Variants in NTRK3 observed in about 807,000 individuals in gnomAD.
NTRK3 encodes the protein neurotrophic receptor tyrosine kinase 3.
A neutral mutation model predicts 91.7 loss-of-function variants in NTRK3; 24 were observed. That is an observed-to-expected ratio of 0.26 (90% confidence interval 0.19 to 0.37). NTRK3 has a LOEUF of 0.37. Among genes scored for constraint, NTRK3 ranks in the 10% least tolerant of loss-of-function variants. NTRK3 has a pLI of 1.00. For synonymous variants in NTRK3, 483 were observed against 404.0 expected (o/e 1.20, Z -2.34); for missense variants, 880 against 1,068.9 (o/e 0.82, Z 2.46).
chr15:88,035,600 G>A (rs182035449), intron 13 of NTRK3, among the ~76,000 whole-genome samples: 27 of 152,224 alleles, frequency 1.8e-4, no homozygotes, highest in African/African-American at 5.5e-4. Context: ...CCCTACCCAC[G>A]CACACAAGGC....
chr15:88,099,675 T>G (rs2049977501), intron 13 of NTRK3, among the ~76,000 whole-genome samples: 1 of 152,192 alleles, frequency 6.6e-6, no homozygotes, highest in South Asian at 2.1e-4. Context: ...GAGAAGTCAC[T>G]TGATCTCTCT....
At chr15:87,951,715 G>C (rs1393453606) in intron 14 of NTRK3, among the ~76,000 whole-genome samples, 2 of 152,210 alleles carry the variant, frequency 1.3e-5, no homozygotes, top group Admixed American at 6.5e-5. Context: ...AGAAGGCTCA[G>C]ACACCAGAGA....
At position 88,146,621 on chromosome 15, in the gene NTRK3, C is replaced by A. The variant is rs147126263; in HGVS notation, c.464+714G>T. On this transcript the variant is annotated intron_variant, in intron 6 of 18. Transcript: ENST00000394480. ...TGGTCACGAATGTTCACTCATTTGG[C>A]CTTCCTTTGTTTGTGCAGAATGGCT... 5.2e-3 allele frequency among the ~76,000 whole-genome samples: 792 copies of A among 152,292 alleles called. 13 individuals are homozygous for A. The highest frequency in any genetic ancestry group is 0.029 in the Admixed American group (440 of 15,288).
At chr15:87,936,385 C>G (rs2069279160) in intron 15 of NTRK3, among the ~76,000 whole-genome samples, 1 of 152,094 alleles carries the variant, frequency 6.6e-6, no homozygotes, top group Admixed American at 6.6e-5. Flanking sequence ...GTCATGTCCA[C>G]TCTGCCTTGG....
chr15:87,988,557 T>G (rs115771877), intron 14 of NTRK3, among the ~76,000 whole-genome samples: 3,199 of 152,326 alleles, frequency 0.021, 113 homozygotes, highest in African/African-American at 0.073. Context: ...ATAACTTCTA[T>G]ATGTCTAAAG....
rs1197852874 is a variant in NTRK3, at chr15:88,238,141, A to T, written c.248+17765T>A. Reference sequence around the variant, plus strand: ...TGCAAGCCATGGAGGGAGGCCTCAGAAGAAACCAACCCTGCCAACACCTTC... The same window carrying T: ...TGCAAGCCATGGAGGGAGGCCTCAGTAGAAACCAACCCTGCCAACACCTTC... On this transcript the variant is annotated intron_variant, in intron 3 of 18. Coordinates refer to ENST00000394480, the Ensembl canonical transcript of NTRK3. Among the ~76,000 whole-genome samples the T allele has an allele frequency of 2.0e-5, 3 of 152,186 alleles. No individual in the cohort carries two copies. In the East Asian group the frequency reaches 5.8e-4, roughly 29 times the overall value.
At chr15:87,867,818 C>A (rs529648097) in exon 19 of NTRK3, 2 of 227,500 alleles carry the variant, frequency 8.8e-6, no homozygotes, top group Admixed American at 5.7e-5. Flanking sequence ...ATTTGTTACT[C>A]AGGAACAAAT....
chr15:88,029,287 G>A (rs1194392962), intron 14 of NTRK3, among the ~76,000 whole-genome samples: 2 of 152,226 alleles, frequency 1.3e-5, no homozygotes, highest in Non-Finnish European at 2.9e-5. Flanking sequence ...CCCTTGCTGG[G>A]AACATAGGTG....
chr15:87,899,580 C>T (rs575232958), intron 17 of NTRK3, among the ~76,000 whole-genome samples: 16 of 152,096 alleles, frequency 1.1e-4, no homozygotes, highest in African/African-American at 3.6e-4. Context: ...GCCTTTGGGC[C>T]CCCCTTTTGT....
intron 14 of NTRK3, among the ~76,000 whole-genome samples, chr15:88,004,880 G>A (rs2076376474): frequency 6.6e-6 from 1 of 152,136 alleles, no homozygotes; most frequent in Non-Finnish European, 1.5e-5. Context: ...TTGATCTGTG[G>A]CAGCAGAATG....
At chr15:87,895,794 T>G (rs1231921826) in intron 17 of NTRK3, among the ~76,000 whole-genome samples, 4 of 151,310 alleles carry the variant, frequency 2.6e-5, no homozygotes, top group South Asian at 4.1e-4. Context: ...TTTTTTCATT[T>G]TATTTTATTT....
chr15:88,226,947 C>G (rs1305733729), intron 3 of NTRK3, among the ~76,000 whole-genome samples: 1 of 152,196 alleles, frequency 6.6e-6, no homozygotes, highest in South Asian at 2.1e-4. Context: ...GACCTGAGCT[C>G]TCATCTTCTT....
intron 17 of NTRK3, among the ~76,000 whole-genome samples, chr15:87,900,348 A>G (rs1395764701): frequency 6.6e-6 from 1 of 152,190 alleles, no homozygotes; most frequent in Non-Finnish European, 1.5e-5. Context: ...CATCTTTAGC[A>G]TCCTGGAATG....
intron 13 of NTRK3, among the ~76,000 whole-genome samples, chr15:88,058,803 CA>C (rs1322469894): frequency 2.0e-5 from 3 of 152,082 alleles, no homozygotes; most frequent in Admixed American, 2.0e-4. Context: ...CCAGAAATCT[CA>C]ATGTCATTGC....
intron 13 of NTRK3, among the ~76,000 whole-genome samples, chr15:88,035,638 A>T (rs1343804478): frequency 6.6e-6 from 1 of 152,204 alleles, no homozygotes; most frequent in African/African-American, 2.4e-5. Flanking sequence ...CTAGGGCTCA[A>T]TTCCTAAATA....
exon 19 of NTRK3, chr15:87,863,261 C>T (rs924798843): frequency 2.2e-5 from 5 of 226,496 alleles, no homozygotes; most frequent in Non-Finnish European, 4.4e-5. Context: ...AGAATAAAGT[C>T]TTCCAAGTTG....
intron 13 of NTRK3, among the ~76,000 whole-genome samples, chr15:88,112,611 A>G (rs1267875660): frequency 6.6e-6 from 1 of 152,182 alleles, no homozygotes; most frequent in Non-Finnish European, 1.5e-5. Context: ...AGCAGGGTGA[A>G]TGTTTAACAC....
intron 16 of NTRK3, among the ~76,000 whole-genome samples, chr15:87,930,318 C>G (rs1170952845): frequency 6.6e-6 from 1 of 152,170 alleles, no homozygotes; most frequent in African/African-American, 2.4e-5. Flanking sequence ...CTCTAGAAAG[C>G]CCAGTGAGCC....
chr15:88,254,003 C>T (rs932019168), intron 3 of NTRK3, among the ~76,000 whole-genome samples: 2 of 152,194 alleles, frequency 1.3e-5, no homozygotes, highest in Non-Finnish European at 2.9e-5. Context: ...ATCCCTGCCT[C>T]CCACTGGCTT....
Sources: allele counts gnomAD v4.1 joint callset (sites outside exome capture counted in the v4.1 genomes callset), GRCh38; gene constraint gnomAD v4.1.1; transcripts MANE v1.5; gene names NCBI Gene and HGNC (gene_info 2026-07-23, HGNC 2026-07-21).